GLS: variants seen among roughly 807,000 people sequenced by gnomAD.
GLS encodes glutaminase kidney isoform, mitochondrial.
A neutral mutation model predicts 86.7 loss-of-function variants in GLS; 36 were observed. The observed-to-expected ratio is 0.42, with a 90% confidence interval of 0.32 to 0.55. GLS has a LOEUF of 0.55. Among genes scored for constraint, GLS ranks in the 20% least tolerant of loss-of-function variants. The pLI is 0.17. For synonymous variants in GLS, 317 were observed against 305.9 expected (o/e 1.04, Z -0.38); for missense variants, 528 against 833.4 (o/e 0.63, Z 4.51).
In GLS at chr2:190,930,001, G is replaced by A. The variant is rs1300188744; in HGVS notation, c.1426-436G>A. Reference sequence around the variant, plus strand: ...GTTGGGACTACAGGCGTGCACTTTGGGAGGCTGAGGCGGGCGGATCACAAG... The same window carrying A: ...GTTGGGACTACAGGCGTGCACTTTGAGAGGCTGAGGCGGGCGGATCACAAG... On this transcript the variant is annotated intron_variant, in intron 12 of 17. Transcript: ENST00000320717. The surrounding 1 kb of genome is among the most constrained non-coding windows in gnomAD (Gnocchi z 5.0). Among the ~76,000 whole-genome samples, 1 of 151,684 alleles carries A rather than the reference G, an allele frequency of 6.6e-6. No homozygotes were observed. The highest frequency in any genetic ancestry group is 1.5e-5 in the Non-Finnish European group (1 of 67,936).
intron 1 of GLS, among the ~76,000 whole-genome samples, chr2:190,891,823 G>T (rs905968639): frequency 6.6e-6 from 1 of 152,016 alleles, no homozygotes; most frequent in Non-Finnish European, 1.5e-5. Context: ...GTAGAAACAG[G>T]CACCTTAATT....
At chr2:190,937,112 ACCTTACTC>A (rs1179212116) in intron 14 of GLS, among the ~76,000 whole-genome samples, 10 of 151,376 alleles carry the variant, frequency 6.6e-5, no homozygotes, top group Non-Finnish European at 1.5e-4. Context: ...AATGGACTTT[ACCTTACTC>A]GGTCTTTTCT....
Position 190,956,828 on chromosome 2 carries a change from T to C in GLS, c.1853+2010T>C, listed in dbSNP as rs535844692. On this transcript the variant is annotated intron_variant, in intron 17 of 17. Transcript: ENST00000320717. The surrounding 1 kb of genome is among the most constrained non-coding windows in gnomAD (Gnocchi z 4.2). ...TTGAAGAGGTCCTTCACATCCCTTG[T>C]AAGTTGAATTCCTAGGTATTTTATT... is the stretch of plus-strand genomic sequence containing the variant. Among the ~76,000 whole-genome samples the C allele has an allele frequency of 1.6e-4, 24 of 152,344 alleles. No homozygotes were observed. The East Asian group carries it at 4.1e-3, about 26-fold the overall frequency.
rs985854402 is a variant in GLS at position 190,965,055 on chromosome 2, C to CTGTT, written c.*2072_*2075dup. Reference sequence around the variant, plus strand: ...GACTATGTGCCGATTCCTGCTCGGGCTGTTTGCTGTTGGCTGGTAATAATA... The same window carrying CTGTT: ...GACTATGTGCCGATTCCTGCTCGGGCTGTTTGTTTGCTGTTGGCTGGTAATAATA... On this transcript the variant is annotated 3_prime_UTR_variant, in exon 18 of 18. Transcript: ENST00000320717. The surrounding 1 kb of genome is among the most constrained non-coding windows in gnomAD (Gnocchi z 5.0). 2.0e-5 allele frequency: 3 copies of CTGTT among 152,150 alleles called. No homozygotes were observed. Among genetic ancestry groups the CTGTT allele is most frequent in the African/African-American group, 4.8e-5 (2 of 41,428 alleles). The allele number at this position is 152,150 out of a possible 1,614,324, so 9.4% of individuals were successfully genotyped here.
chr2:190,916,604 C>T (rs960783678), intron 7 of GLS, among the ~76,000 whole-genome samples: 1 of 152,094 alleles, frequency 6.6e-6, no homozygotes, highest in African/African-American at 2.4e-5. Flanking sequence ...AAGTTAAATG[C>T]CATTTCCAGG....
chr2:190,946,014 C>T (rs1247636987), intron 14 of GLS, among the ~76,000 whole-genome samples: 1 of 152,118 alleles, frequency 6.6e-6, no homozygotes, highest in Non-Finnish European at 1.5e-5. Context: ...AACTGTGTCT[C>T]AGTAAATCTT....
chr2:190,900,997 A>G (rs1306765396), intron 4 of GLS, among the ~76,000 whole-genome samples: 4 of 152,172 alleles, frequency 2.6e-5, no homozygotes, highest in Non-Finnish European at 4.4e-5. Flanking sequence ...GATATCCTTC[A>G]GTATTAAACG....
rs1574567142 is a variant in GLS, at chr2:190,895,659, A to G, written c.539A>G (p.Asp180Gly). ...GATCCCAGGTTGAAAGAGTGTATGG[A>G]TATGTTAAGATTAACTCTTCAAACA... ...TSDPRLKECM[D>G]MLRLTLQTTS... is the part of the protein sequence containing the mutation. The change falls in exon 3 of 18, where the codon GAT becomes GGT. Residue 180 changes from aspartate (D) to glycine (G), a missense_variant. By Grantham distance (94) the Asp-to-Gly change is moderately conservative (BLOSUM62 -1). Coordinates refer to ENST00000320717, the MANE Select transcript of GLS (RefSeq NM_014905.5). This position sits in a 1 kb window ranked among gnomAD's most constrained non-coding sequence, Gnocchi z 4.2. The G allele has an allele frequency of 6.2e-7, 1 of 1,601,110 alleles. No homozygotes were observed. Among genetic ancestry groups the G allele is most frequent in the Non-Finnish European group, 8.6e-7 (1 of 1,168,878 alleles).
At chr2:190,893,374 A>G (rs1347489832) in intron 1 of GLS, among the ~76,000 whole-genome samples, 1 of 152,184 alleles carries the variant, frequency 6.6e-6, no homozygotes, top group Non-Finnish European at 1.5e-5. Flanking sequence ...AATCTGTGAA[A>G]TGGGGACAGA....
At chr2:190,902,674 C>G (rs1018304346) in intron 5 of GLS, among the ~76,000 whole-genome samples, 4 of 152,140 alleles carry the variant, frequency 2.6e-5, no homozygotes, top group South Asian at 4.1e-4. Flanking sequence ...TGGTAAAGTT[C>G]TAGAATATTT....
In GLS at chr2:190,951,832, AAAAG is replaced by A. The variant is rs1169575694; in HGVS notation, c.1651-1727_1651-1724del. ...GAGAATTCAGAGTTGACCCCATTAA[AAAAG>A]AAAGACATTAAGGACACCTGAAACA... is the stretch of plus-strand genomic sequence containing the variant. On this transcript the variant is annotated intron_variant, in intron 14 of 17. Coordinates refer to ENST00000320717, the MANE Select transcript of GLS (RefSeq NM_014905.5). The surrounding 1 kb of genome is among the most constrained non-coding windows in gnomAD (Gnocchi z 4.2). 1.3e-5 allele frequency among the ~76,000 whole-genome samples: 2 copies of A among 152,226 alleles called. No individual in the cohort carries two copies. Among genetic ancestry groups the A allele is most frequent in the African/African-American group, 4.8e-5 (2 of 41,458 alleles).
intron 17 of GLS, among the ~76,000 whole-genome samples, chr2:190,960,170 G>A (rs949267864): frequency 2.0e-5 from 3 of 152,088 alleles, no homozygotes; most frequent in South Asian, 2.1e-4. Flanking sequence ...TGGACATTAT[G>A]TACTGGAGTA....
chr2:190,931,458 C>T (rs908442593), intron 13 of GLS, 87 bp from the exon 14 acceptor site: 3 of 564,836 alleles, frequency 5.3e-6, no homozygotes, highest in East Asian at 2.9e-5. Flanking sequence ...CTAGGCTGGA[C>T]GATATAAGCA....
At chr2:190,889,344 T>G (rs7586514) in intron 1 of GLS, among the ~76,000 whole-genome samples, 2 of 152,184 alleles carry the variant, frequency 1.3e-5, no homozygotes, top group African/African-American at 4.8e-5. Context: ...TCTCTTCTGT[T>G]ACATACTCCC....
Position 190,930,447 on chromosome 2 carries a change from C to T in GLS, c.1436C>T (p.Pro479Leu). ...CTGAATTATTTTTAGGTTGGTCTTC[C>T]TGCAAAATCTGGAGTTGCTGGGGGC... ...SGQFAFHVGL[P>L]AKSGVAGGIL... Residue 479 changes from proline (P) to leucine (L), a missense_variant, in exon 13 of 18, where the codon CCT becomes CTT. Physicochemically the swap from Pro to Leu is moderately conservative, Grantham distance 98. Coordinates refer to ENST00000320717, the MANE Select transcript of GLS (RefSeq NM_014905.5). This position sits in a 1 kb window ranked among gnomAD's most constrained non-coding sequence, Gnocchi z 5.0. 1 of 1,608,454 alleles carries T rather than the reference C, an allele frequency of 6.2e-7. No individual in the cohort carries two copies. The highest frequency in any genetic ancestry group is 8.5e-7 in the Non-Finnish European group (1 of 1,175,154).
chr2:190,945,845 C>A (rs1690565219), intron 14 of GLS, among the ~76,000 whole-genome samples: 1 of 151,928 alleles, frequency 6.6e-6, no homozygotes, highest in Admixed American at 6.6e-5. Context: ...TGATTTATTC[C>A]TCTCTATTGA....
At chr2:190,932,597 AG>A in intron 14 of GLS, 1 of 662,592 alleles carries the variant, frequency 1.5e-6, no homozygotes, top group East Asian at 3.4e-5. Flanking sequence ...AAAATGTCAG[AG>A]GTGGTGGTTT....
chr2:190,909,382 T>C (rs11675981), intron 6 of GLS, among the ~76,000 whole-genome samples: 74,184 of 152,092 alleles, frequency 0.49, 20,230 homozygotes, highest in Non-Finnish European at 0.62. Flanking sequence ...TTATTAATTA[T>C]ATCATGTTAT....
In GLS at chr2:190,952,920, C is replaced by G. The variant is rs771308308; in HGVS notation, c.1651-645C>G. ...TGGGTAACTGTCAAAAGTAGATACA[C>G]TTTGAAATCTTGGAGCACTTAATAG... On this transcript the variant is annotated intron_variant, in intron 14 of 17. Coordinates refer to ENST00000320717, the MANE Select transcript of GLS (RefSeq NM_014905.5). 2.0e-5 allele frequency among the ~76,000 whole-genome samples: 3 copies of G among 152,192 alleles called. No homozygotes were observed. In the South Asian group the frequency reaches 6.2e-4, roughly 32 times the overall value.
Sources: allele counts gnomAD v4.1 joint callset (sites outside exome capture counted in the v4.1 genomes callset), GRCh38; gene constraint gnomAD v4.1.1; non-coding constraint Gnocchi (gnomAD v3.1); transcripts MANE v1.5; gene names NCBI Gene and HGNC (gene_info 2026-07-23, HGNC 2026-07-21).